Variants in HS3ST4 observed in about 807,000 individuals in gnomAD.
The protein encoded by HS3ST4 is heparan sulfate glucosamine 3-O-sulfotransferase 4.
A neutral mutation model predicts 29.2 loss-of-function variants in HS3ST4; 17 were observed. The observed-to-expected ratio is 0.58, with a 90% CI of 0.40 to 0.87. The LOEUF is 0.87. Ranked by LOEUF, HS3ST4 falls within the 40% of genes least tolerant of loss-of-function variation. The pLI, the probability that HS3ST4 is intolerant of heterozygous loss-of-function variation, is 0.00. For missense variants in HS3ST4, 627 were observed against 634.5 expected (o/e 0.99, Z 0.13); for synonymous variants, 314 against 285.7 (o/e 1.10, Z -1.00).
chr16:25,748,198 G>A (rs370170341), intron 1 of HS3ST4, among the ~76,000 whole-genome samples: 5 of 152,136 alleles, frequency 3.3e-5, no homozygotes, highest in East Asian at 3.9e-4. Flanking sequence ...TTGGGTGGGC[G>A]TGCTCACATA....
chr16:25,732,652 A>G (rs1181259528), intron 1 of HS3ST4, among the ~76,000 whole-genome samples: 1 of 152,258 alleles, frequency 6.6e-6, no homozygotes, highest in Non-Finnish European at 1.5e-5. Flanking sequence ...CAATCATCTT[A>G]TCATGCAGTC....
At chr16:26,014,086 T>C (rs550848949) in intron 1 of HS3ST4, among the ~76,000 whole-genome samples, 10 of 152,092 alleles carry the variant, frequency 6.6e-5, no homozygotes, top group Admixed American at 5.9e-4. Flanking sequence ...CTACTCCTAC[T>C]CTCCCTTTCT....
chr16:25,712,951 C>T (rs1966427331), intron 1 of HS3ST4, among the ~76,000 whole-genome samples: 1 of 152,178 alleles, frequency 6.6e-6, no homozygotes, highest in African/African-American at 2.4e-5. Context: ...CTCCCTGTGT[C>T]TTCACATGGT....
At chr16:26,083,228 G>C (rs774578948) in intron 1 of HS3ST4, among the ~76,000 whole-genome samples, 9 of 152,192 alleles carry the variant, frequency 5.9e-5, no homozygotes, top group African/African-American at 1.2e-4. Flanking sequence ...AAATTGGAAT[G>C]ATGCCTATTA....
At chr16:26,008,520 G>A (rs3923772) in intron 1 of HS3ST4, among the ~76,000 whole-genome samples, 106,707 of 151,722 alleles carry the variant, frequency 0.7, 38,963 homozygotes, top group African/African-American at 0.9. Flanking sequence ...TCAACTTGAA[G>A]TAAGATACCA....
intron 1 of HS3ST4, among the ~76,000 whole-genome samples, chr16:25,829,468 G>A (rs558112962): frequency 3.3e-5 from 5 of 152,158 alleles, no homozygotes; most frequent in Admixed American, 2.0e-4. Context: ...GGTTTGTTAC[G>A]TAGGTATACA....
At chr16:25,999,867 T>C (rs951915178) in intron 1 of HS3ST4, among the ~76,000 whole-genome samples, 1 of 130,086 alleles carries the variant, frequency 7.7e-6, no homozygotes, top group Admixed American at 8.9e-5. Flanking sequence ...ATATATATTA[T>C]ATATTTTATA....
intron 1 of HS3ST4, among the ~76,000 whole-genome samples, chr16:25,997,083 C>A (rs1393135145): frequency 6.6e-6 from 1 of 152,180 alleles, no homozygotes; most frequent in East Asian, 1.9e-4. Flanking sequence ...ATTTATCTCA[C>A]ATCCAGACAC....
intron 1 of HS3ST4, among the ~76,000 whole-genome samples, chr16:26,031,448 A>C (rs556516854): frequency 6.6e-6 from 1 of 152,298 alleles, no homozygotes; most frequent in East Asian, 1.9e-4. Flanking sequence ...CTAGGAGGAC[A>C]TTTGTATTCC....
intron 1 of HS3ST4, among the ~76,000 whole-genome samples, chr16:25,703,459 A>G (rs372212176): frequency 5.9e-5 from 9 of 152,352 alleles, no homozygotes; most frequent in African/African-American, 2.2e-4. Flanking sequence ...AGGCGAGGGA[A>G]CTGAGGCACA....
chr16:25,963,820 G>T (rs530375449), intron 1 of HS3ST4, among the ~76,000 whole-genome samples: 1 of 152,314 alleles, frequency 6.6e-6, no homozygotes, highest in Admixed American at 6.5e-5. Flanking sequence ...TCCATTGTGG[G>T]CAGGATTTAA....
At chr16:25,789,437 TC>T (rs778086406) in intron 1 of HS3ST4, among the ~76,000 whole-genome samples, 27,118 of 112,906 alleles carry the variant, frequency 0.24, 3,651 homozygotes, top group Non-Finnish European at 0.26. Flanking sequence ...CTTCCTTCCT[TC>T]CTTCCTTCCT....
intron 1 of HS3ST4, among the ~76,000 whole-genome samples, chr16:25,845,642 A>G (rs1967458061): frequency 9.9e-6 from 1 of 101,440 alleles, no homozygotes; most frequent in Non-Finnish European, 2.0e-5. Context: ...TCCAAGGAAT[A>G]GCATGTAATA....
At chr16:25,970,087 C>T (rs545439218) in intron 1 of HS3ST4, among the ~76,000 whole-genome samples, 7 of 152,294 alleles carry the variant, frequency 4.6e-5, no homozygotes, top group African/African-American at 1.7e-4. Flanking sequence ...GACAAAACAC[C>T]CTAATTCTAA....
chr16:26,134,362 C>CTTTTCTTTTTT (rs750289979), intron 1 of HS3ST4, among the ~76,000 whole-genome samples: 47 of 76,760 alleles, frequency 6.1e-4, no homozygotes, highest in African/African-American at 2.0e-3. Context: ...CTTTTCTTTT[C>CTTTTCTTTTTT]TTTTTTTTTT....
At chr16:25,903,294 G>A (rs1221250266) in intron 1 of HS3ST4, among the ~76,000 whole-genome samples, 229 of 19,890 alleles carry the variant, frequency 0.012, 2 homozygotes, top group African/African-American at 0.046. Flanking sequence ...GTGTGTGTGT[G>A]TGTGTGTGTA....
chr16:25,714,600 G>T lies in HS3ST4; in HGVS notation c.734+21449G>T, dbSNP rs1299752508. ...AGCTGGGAAGTACTTAAGCCACCCT[G>T]GTTAACTTCAGAAGCTGCATCTGTT... On this transcript the variant is annotated intron_variant, in intron 1 of 1. Transcript: ENST00000331351. Among the ~76,000 whole-genome samples the T allele has an allele frequency of 5.9e-5, 9 of 152,332 alleles. No individual in the cohort carries two copies. The South Asian group carries it at 1.9e-3, about 32-fold the overall frequency.
intron 1 of HS3ST4, among the ~76,000 whole-genome samples, chr16:26,079,213 C>T (rs1220032035): frequency 6.6e-6 from 1 of 152,154 alleles, no homozygotes; most frequent in Admixed American, 6.5e-5. Flanking sequence ...AACGAGCTGC[C>T]TCTGCACGAT....
intron 1 of HS3ST4, among the ~76,000 whole-genome samples, chr16:25,924,185 G>A (rs1469866126): frequency 1.3e-5 from 2 of 152,128 alleles, no homozygotes; most frequent in East Asian, 3.8e-4. Context: ...CAAATTCTGA[G>A]ATTCATCTTG....
Sources: gnomAD v4.1 joint callset for allele counts (sites outside exome capture counted in the v4.1 genomes callset) on GRCh38, gnomAD v4.1.1 for gene constraint, MANE v1.5 for transcripts, NCBI Gene and HGNC (gene_info 2026-07-23, HGNC 2026-07-21) for gene names.